FAM76A: variants seen among roughly 807,000 people sequenced by gnomAD.
The protein encoded by FAM76A is family with sequence similarity 76 member A, also known as protein FAM76A.
In FAM76A, 32 loss-of-function variants were observed where a neutral mutation model predicts 46.2. The ratio of observed to expected loss-of-function variants is 0.69; its 90% confidence interval spans 0.52 to 0.93. The LOEUF is 0.93. Ranked by LOEUF, FAM76A falls within the 40% of genes least tolerant of loss-of-function variation. FAM76A has a pLI of 0.00. For missense variants in FAM76A, 274 were observed against 361.5 expected, an observed-to-expected ratio of 0.76 and a Z score of 1.96; for synonymous variants, 137 against 127.0, an observed-to-expected ratio of 1.08 and a Z score of -0.53.
intron 3 of FAM76A, 83 bp downstream of exon 3, chr1:27,732,740 A>G: frequency 2.0e-6 from 2 of 1,023,792 alleles, no homozygotes; most frequent in South Asian, 3.3e-5. Context: ...ATGCCATTAC[A>G]ATATTTTTAT....
intron 2 of FAM76A, among the ~76,000 whole-genome samples, chr1:27,731,529 CAT>C (rs1177503237): frequency 6.6e-6 from 1 of 151,996 alleles, no homozygotes; most frequent in Admixed American, 6.6e-5. Context: ...AATATTTGAT[CAT>C]AGTGTCTTTT....
chr1:27,758,439 T>C (rs546294199), intron 7 of FAM76A, among the ~76,000 whole-genome samples: 237 of 152,328 alleles, frequency 1.6e-3, no homozygotes, highest in Non-Finnish European at 2.9e-3. Context: ...AAAGGATTTT[T>C]GTAAAACAGG....
intron 1 of FAM76A, among the ~76,000 whole-genome samples, chr1:27,726,432 CCT>C (rs1399420682): frequency 2.0e-5 from 3 of 152,152 alleles, no homozygotes; most frequent in Non-Finnish European, 4.4e-5. Flanking sequence ...CAGCGGGTCC[CCT>C]GCTTGCCCTG....
In FAM76A at chr1:27,727,614, C is replaced by T. The variant is rs1179378883; in HGVS notation, c.146+78C>T. The T allele has an allele frequency of 4.8e-6, 5 of 1,037,604 alleles. No homozygotes were observed. The South Asian group carries it at 6.6e-5, about 14-fold the overall frequency. 64.3% of individuals were successfully genotyped at this position (1,037,604 alleles called of 1,614,324 possible). A position where few individuals can be genotyped will look rare whatever the true frequency, so the allele number is the denominator to read the frequency against. ...TCTGTAATTGATTGCATTTCATGTA[C>T]AGATGCTATAATCAGTTGCATTGTA... is the stretch of plus-strand genomic sequence containing the variant. On this transcript the variant is annotated intron_variant, in intron 2 of 8. Coordinates refer to ENST00000373954, the MANE Select transcript of FAM76A (RefSeq NM_152660.3).
chr1:27,751,120 T>C (rs2088324707), intron 6 of FAM76A, among the ~76,000 whole-genome samples: 1 of 152,064 alleles, frequency 6.6e-6, no homozygotes, highest in Non-Finnish European at 1.5e-5. Context: ...GCCACTGCAG[T>C]TGAGCCTAGG....
rs188317487 is a variant in FAM76A, at chr1:27,746,903, C to T, written c.512+2092C>T. ...ACTAGCAGGAACAACATAATGAGAC[C>T]CCATCTCTACAAAAAACAATATTAG... On this transcript the variant is annotated intron_variant, in intron 5 of 8. Transcript: ENST00000373954. Among the ~76,000 whole-genome samples the T allele has an allele frequency of 3.0e-3, 455 of 151,920 alleles. 4 individuals are homozygous for T. The highest frequency in any genetic ancestry group is 0.01 in the African/African-American group (428 of 41,404).
At position 27,739,140 on chromosome 1, in the gene FAM76A, C is replaced by T. The variant is rs139649045; in HGVS notation, c.354+4957C>T. The T allele has an allele frequency of 4.3e-4, 156 of 360,562 alleles. 1 individual carries two copies. Among genetic ancestry groups the T allele is most frequent in the Middle Eastern group, 8.9e-4 (1 of 1,126 alleles). 22.3% of individuals were successfully genotyped at this position (360,562 alleles called of 1,614,324 possible). On this transcript the variant is annotated intron_variant, in intron 4 of 8. Transcript: ENST00000373954. ...TGAGGAGTTCACCTGGGCTGTGGAA[C>T]GCCACAATGACAAGACCATTTTCAC...
intron 6 of FAM76A, among the ~76,000 whole-genome samples, chr1:27,749,559 T>C (rs1437377529): frequency 6.6e-6 from 1 of 152,058 alleles, no homozygotes; most frequent in African/African-American, 2.4e-5. Flanking sequence ...AGAGACAGGG[T>C]TTCACCATGT....
At chr1:27,750,611 T>G (rs897743524) in intron 6 of FAM76A, among the ~76,000 whole-genome samples, 4 of 152,246 alleles carry the variant, frequency 2.6e-5, no homozygotes, top group African/African-American at 9.6e-5. Flanking sequence ...AGGCTGTGTT[T>G]GAATGACCTG....
intron 7 of FAM76A, among the ~76,000 whole-genome samples, chr1:27,755,954 G>C (rs1368158604): frequency 1.3e-5 from 2 of 152,188 alleles, no homozygotes; most frequent in African/African-American, 4.8e-5. Context: ...TCACAGCGGA[G>C]CATGTAACAA....
chr1:27,746,947 A>T (rs1288528590), intron 5 of FAM76A, among the ~76,000 whole-genome samples: 1 of 151,954 alleles, frequency 6.6e-6, no homozygotes, highest in Non-Finnish European at 1.5e-5. Context: ...AGTGGCACAC[A>T]CCTGTAGTCC....
intron 4 of FAM76A, among the ~76,000 whole-genome samples, chr1:27,738,698 A>C (rs555089902): frequency 1.3e-5 from 2 of 152,320 alleles, no homozygotes; most frequent in East Asian, 3.9e-4. Flanking sequence ...GCTTACATTT[A>C]TGTGTGTGAA....
chr1:27,745,554 A>G (rs529434673), intron 5 of FAM76A, among the ~76,000 whole-genome samples: 2 of 152,360 alleles, frequency 1.3e-5, no homozygotes, highest in South Asian at 4.1e-4. Flanking sequence ...AGAGCTGAAT[A>G]CAAGTCATGC....
chr1:27,737,948 G>A (rs2088083914), intron 4 of FAM76A, among the ~76,000 whole-genome samples: 1 of 151,302 alleles, frequency 6.6e-6, no homozygotes, highest in South Asian at 2.1e-4. Flanking sequence ...AGCTACCTGG[G>A]AGGCTGAGGT....
chr1:27,739,635 A>C (rs2088116651), intron 4 of FAM76A, among the ~76,000 whole-genome samples: 1 of 152,082 alleles, frequency 6.6e-6, no homozygotes, highest in Non-Finnish European at 1.5e-5. Context: ...AAAAATACAA[A>C]AAATTAGCAG....
At chr1:27,740,218 C>T (rs2148574033) in intron 4 of FAM76A, 1 of 652,040 alleles carries the variant, frequency 1.5e-6, no homozygotes, top group African/African-American at 1.8e-5. Flanking sequence ...AGTCAGTACA[C>T]CTTTCATCTT....
At chr1:27,729,016 G>A (rs981261746) in intron 2 of FAM76A, among the ~76,000 whole-genome samples, 4 of 151,364 alleles carry the variant, frequency 2.6e-5, no homozygotes, top group Non-Finnish European at 4.4e-5. Context: ...CATCTTTAGG[G>A]GGCATTTCCA....
chr1:27,756,252 A>G (rs1242519608), intron 7 of FAM76A, among the ~76,000 whole-genome samples: 3 of 152,140 alleles, frequency 2.0e-5, no homozygotes, highest in Admixed American at 1.3e-4. Context: ...AACTCTTACT[A>G]AGTGACCCAT....
intron 2 of FAM76A, chr1:27,730,456 G>C (rs1261995452): frequency 1.3e-5 from 2 of 152,668 alleles, no homozygotes; most frequent in Non-Finnish European, 2.9e-5. Context: ...AAAGTGCTGG[G>C]ATTACAGGCA....
Sources: allele counts gnomAD v4.1 joint callset (sites outside exome capture counted in the v4.1 genomes callset), GRCh38; gene constraint gnomAD v4.1.1; transcripts MANE v1.5; gene names NCBI Gene and HGNC (gene_info 2026-07-23, HGNC 2026-07-21).